The following PTPRD variants were observed in gnomAD, a reference collection of about 807,000 sequenced individuals.
The protein encoded by PTPRD is receptor-type tyrosine-protein phosphatase delta.
Under a neutral mutation model 214.5 loss-of-function variants are expected in PTPRD, and 34 were observed. The ratio of observed to expected loss-of-function variants is 0.16; its 90% CI spans 0.12 to 0.21. PTPRD has a LOEUF of 0.21. PTPRD is among the 10% of genes least tolerant of loss of function. The pLI is 1.00. For missense variants in PTPRD, 2,545 were observed against 2,398.7 expected, an observed-to-expected ratio of 1.06 and a Z score of -1.27; for synonymous variants, 1,128 against 845.7, an observed-to-expected ratio of 1.33 and a Z score of -5.79.
intron 14 of PTPRD, among the ~76,000 whole-genome samples, chr9:8,531,771 C>T (rs573917679): frequency 9.0e-4 from 137 of 152,198 alleles, no homozygotes; most frequent in African/African-American, 3.1e-3. Context: ...ATATTCAGTG[C>T]TGATCAGTGG....
intron 9 of PTPRD, among the ~76,000 whole-genome samples, chr9:9,261,362 A>G (rs1398294140): frequency 6.6e-6 from 1 of 151,854 alleles, no homozygotes; most frequent in Non-Finnish European, 1.5e-5. Flanking sequence ...TCCGATTTTA[A>G]TGTCCTTGAA....
At chr9:9,053,978 T>C (rs1479190926) in intron 10 of PTPRD, among the ~76,000 whole-genome samples, 2 of 152,286 alleles carry the variant, frequency 1.3e-5, no homozygotes, top group East Asian at 3.9e-4. Flanking sequence ...TAAGGACCAA[T>C]TTGGTAATAT....
intron 10 of PTPRD, among the ~76,000 whole-genome samples, chr9:9,092,301 T>A (rs990437392): frequency 6.6e-6 from 1 of 152,156 alleles, no homozygotes; most frequent in African/African-American, 2.4e-5. Context: ...CATGACTGTA[T>A]CCTGGTACTG....
chr9:9,319,549 A>T (rs1965330740), intron 9 of PTPRD, among the ~76,000 whole-genome samples: 1 of 152,188 alleles, frequency 6.6e-6, no homozygotes. Flanking sequence ...GGCTTTGTAA[A>T]TTCTACCAAA....
chr9:8,502,731 C>T (rs529694931), intron 23 of PTPRD, among the ~76,000 whole-genome samples: 47 of 151,906 alleles, frequency 3.1e-4, no homozygotes, highest in Admixed American at 8.5e-4. Context: ...TATCTTCAGA[C>T]CTCCTATTTT....
chr9:8,380,833 A>C (rs1307147497), intron 37 of PTPRD, among the ~76,000 whole-genome samples: 1 of 152,128 alleles, frequency 6.6e-6, no homozygotes, highest in Non-Finnish European at 1.5e-5. Context: ...TAGGCACTTA[A>C]TGAGCGGTAG....
chr9:10,118,207 T>TCTATCTAC (rs1286432300), intron 3 of PTPRD, among the ~76,000 whole-genome samples: 5 of 149,600 alleles, frequency 3.3e-5, no homozygotes, highest in African/African-American at 5.1e-5. Flanking sequence ...TATCTATCTA[T>TCTATCTAC]CTATCTATCT....
At chr9:9,783,213 A>C (rs1037646387) in intron 5 of PTPRD, among the ~76,000 whole-genome samples, 1 of 152,174 alleles carries the variant, frequency 6.6e-6, no homozygotes, top group Non-Finnish European at 1.5e-5. Flanking sequence ...TGCTATCCTC[A>C]AATGATTTTC....
intron 11 of PTPRD, among the ~76,000 whole-genome samples, chr9:8,772,151 C>T (rs2095255092): frequency 1.3e-5 from 2 of 151,998 alleles, no homozygotes; most frequent in South Asian, 4.2e-4. Context: ...ACAACAACAA[C>T]AACAACAACA....
intron 35 of PTPRD, among the ~76,000 whole-genome samples, chr9:8,431,771 G>A (rs2095070566): frequency 6.6e-6 from 1 of 152,134 alleles, no homozygotes; most frequent in South Asian, 2.1e-4. Flanking sequence ...AGCATTTCTG[G>A]GGCTGGGACC....
chr9:9,940,473 C>G (rs1242696491), intron 4 of PTPRD, among the ~76,000 whole-genome samples: 1 of 152,112 alleles, frequency 6.6e-6, no homozygotes, highest in Non-Finnish European at 1.5e-5. Flanking sequence ...CTTATGCATA[C>G]TTAATGGGGT....
chr9:9,313,933 T>G (rs1406527912), intron 9 of PTPRD, among the ~76,000 whole-genome samples: 1 of 152,138 alleles, frequency 6.6e-6, no homozygotes, highest in African/African-American at 2.4e-5. Context: ...AAGATTCCTT[T>G]GTCTGTGGAT....
intron 3 of PTPRD, among the ~76,000 whole-genome samples, chr9:10,279,391 C>T (rs1303562195): frequency 1.3e-5 from 2 of 152,234 alleles, no homozygotes; most frequent in East Asian, 3.9e-4. Flanking sequence ...AGGCCCTAGA[C>T]CTGCTACTAG....
chr9:9,212,968 T>A (rs7021332), intron 9 of PTPRD, among the ~76,000 whole-genome samples: 1 of 152,120 alleles, frequency 6.6e-6, no homozygotes. Flanking sequence ...TCTAAGATTC[T>A]ATAGATTCTA....
At chr9:10,222,450 T>C (rs1318435428) in intron 3 of PTPRD, among the ~76,000 whole-genome samples, 1 of 152,146 alleles carries the variant, frequency 6.6e-6, no homozygotes, top group African/African-American at 2.4e-5. Flanking sequence ...GCATCCTATG[T>C]CTTTATTGTC....
Position 9,938,519 on chromosome 9 carries a change from C to A in PTPRD, c.-380G>T, listed in dbSNP as rs1204800649. On this transcript the variant is annotated 5_prime_UTR_variant, in exon 5 of 46. Transcript: ENST00000381196. ...ATACTGAACTCACCTGGAGCCGAAG[C>A]CCATCGCTTCCCTCGGTGCCAACAT... The A allele has an allele frequency of 6.6e-6, 1 of 152,078 alleles. No homozygotes were observed. The highest frequency in any genetic ancestry group is 1.5e-5 in the Non-Finnish European group (1 of 68,028). The allele number at this position is 152,078 out of a possible 1,614,324, so 9.4% of individuals were successfully genotyped here. A position where few individuals can be genotyped will look rare whatever the true frequency, so the allele number is the denominator to read the frequency against.
intron 3 of PTPRD, among the ~76,000 whole-genome samples, chr9:10,112,328 G>T (rs146689783): frequency 6.6e-6 from 1 of 152,168 alleles, no homozygotes; most frequent in Non-Finnish European, 1.5e-5. Context: ...TTAATAGGAG[G>T]CTCATTAGTG....
At chr9:9,828,820 A>G (rs1230728457) in intron 5 of PTPRD, among the ~76,000 whole-genome samples, 1 of 151,876 alleles carries the variant, frequency 6.6e-6, no homozygotes, top group African/African-American at 2.4e-5. Flanking sequence ...TGGTAATTAA[A>G]AGCATTTCAT....
chr9:9,918,127 T>C (rs960694965), intron 5 of PTPRD, among the ~76,000 whole-genome samples: 3 of 151,982 alleles, frequency 2.0e-5, no homozygotes, highest in African/African-American at 7.2e-5. Context: ...TGTACCTAGA[T>C]GACATGATTT....
Sources: allele counts gnomAD v4.1 joint callset (sites outside exome capture counted in the v4.1 genomes callset), GRCh38; gene constraint gnomAD v4.1.1; transcripts MANE v1.5; gene names NCBI Gene and HGNC (gene_info 2026-07-23, HGNC 2026-07-21).